The following FAM83H variants were observed in gnomAD, a reference collection of about 807,000 sequenced individuals.
The protein encoded by FAM83H is scaffolding CK1 anchoring protein H, also known as protein FAM83H.
In FAM83H, 24 loss-of-function variants were observed where a neutral mutation model predicts 30.2. That is an observed-to-expected ratio of 0.79 (90% CI 0.57 to 1.12). The LOEUF (loss-of-function observed/expected upper bound fraction) is 1.12, where lower values mean the gene tolerates loss of function less well. Among genes scored for constraint, FAM83H ranks in the 50% most tolerant of loss-of-function variants. FAM83H has a pLI of 0.00. For synonymous variants in FAM83H, 1,013 were observed against 821.7 expected (o/e 1.23, Z -3.98); for missense variants, 2,038 against 1,773.9 (o/e 1.15, Z -2.67).
In FAM83H at chr8:143,733,151, A is replaced by C. The variant is rs1407841878; in HGVS notation, c.-16+540T>G. ...TTGCGGAGTGGGCACCCCAGCCCCC[A>C]ACGGGGTCAGTGCACCCTACGAGCT... On this transcript the variant is annotated intron_variant, in intron 1 of 4. Transcript: ENST00000388913. The surrounding 1 kb of genome is among the most constrained non-coding windows in gnomAD (Gnocchi z 5.6). 1 of 154,046 alleles carries C rather than the reference A, an allele frequency of 6.5e-6. No individual in the cohort carries two copies. The highest frequency in any genetic ancestry group is 1.9e-4 in the East Asian group (1 of 5,152). 9.5% of individuals were successfully genotyped at this position (154,046 alleles called of 1,614,324 possible).
intron 1 of FAM83H, among the ~76,000 whole-genome samples, chr8:143,730,982 G>C (rs539084791): frequency 6.6e-6 from 1 of 152,208 alleles, no homozygotes; most frequent in South Asian, 2.1e-4. Flanking sequence ...ATAGTCCCAG[G>C]CACTTGGGAA....
chr8:143,730,519 G>A lies in FAM83H; in HGVS notation c.64C>T (p.Pro22Ser), dbSNP rs1818479623. Residue 22 changes from proline to serine, a missense_variant, in exon 2 of 5, where the codon CCT (proline) becomes TCT (serine). Transcript: ENST00000388913. ...AGGCGGTAGTACTCTTTGTAGTGAG[G>A]CGGCAGGTACCCGGGTGCCAGTGGG... The part of the protein sequence containing the change: ...DNPLAPGYLP[P>S]HYKEYYRLAV... 3 of 1,585,498 alleles carry A rather than the reference G, an allele frequency of 1.9e-6. No individual in the cohort carries two copies. Among genetic ancestry groups the A allele is most frequent in the Admixed American group, 1.7e-5 (1 of 58,666 alleles).
chr8:143,727,948 GC>G lies in FAM83H; in HGVS notation c.1512del (p.His505ThrfsTer40). On this transcript the variant is annotated frameshift_variant, in exon 5 of 5. Coordinates refer to ENST00000388913, the MANE Select transcript of FAM83H (RefSeq NM_198488.5). LOFTEE classifies it low-confidence loss of function (END_TRUNC). The stretch of plus-strand genomic sequence containing the variant: ...GACGGCACGTAGTCCAGCCGCTGGT[GC>G]CCGTCGGGTCCGAGCTCCGGGAAGC... The part of the protein sequence containing the change: ...GPRFPELGPD[G>X]HQRLDYVPSS... 2.6e-6 allele frequency: 4 copies of G among 1,550,886 alleles called. No homozygotes were observed. The highest frequency in any genetic ancestry group is 3.5e-6 in the Non-Finnish European group (4 of 1,155,830).
Position 143,728,484 on chromosome 8 carries a change from G to C in FAM83H, c.977C>G (p.Ala326Gly). The change falls in exon 5 of 5, where the codon GCG becomes GGG. Residue 326 changes from alanine to glycine, a missense_variant. Coordinates refer to ENST00000388913, the MANE Select transcript of FAM83H (RefSeq NM_198488.5). ...APTPFSFPKR[A>G]HLLFPPPREE... Reference sequence around the variant, plus strand: ...CCGGGGTGGCGGGAACAGGAGGTGCGCTCGTTTAGGGAAGGAGAAGGGGGT... The same window carrying C: ...CCGGGGTGGCGGGAACAGGAGGTGCCCTCGTTTAGGGAAGGAGAAGGGGGT... The C allele has an allele frequency of 6.4e-7, 1 of 1,554,026 alleles. No individual in the cohort carries two copies. The highest frequency in any genetic ancestry group is 1.4e-5 in the African/African-American group (1 of 73,454).
rs369700124 is a variant in FAM83H, at chr8:143,726,400, C to T, written c.3061G>A (p.Ala1021Thr). The change falls in exon 5 of 5, where the codon GCG becomes ACG. Residue 1021 changes from alanine (A) to threonine (T), a missense_variant. Coordinates refer to ENST00000388913, the MANE Select transcript of FAM83H (RefSeq NM_198488.5). The stretch of plus-strand genomic sequence containing the variant: ...TTGGCCGTGGCTGAGGACAGGCGCG[C>T]CCGCGGACCCCGCTCTTCTGTGGCA... ...EAATEERGPRARLSSATANAL... is the reference protein window; with the variant it reads ...EAATEERGPRTRLSSATANAL... 3 of 1,605,658 alleles carry T rather than the reference C, an allele frequency of 1.9e-6. No individual in the cohort carries two copies. The highest frequency in any genetic ancestry group is 1.7e-6 in the Non-Finnish European group (2 of 1,177,814).
In FAM83H at chr8:143,726,374, G is replaced by T. The variant is rs768891623; in HGVS notation, c.3087C>A (p.Asn1029Lys). 2 of 1,610,664 alleles carry T rather than the reference G, an allele frequency of 1.2e-6. No homozygotes were observed. Among genetic ancestry groups the T allele is most frequent in the Non-Finnish European group, 1.7e-6 (2 of 1,179,398 alleles). ...PRARLSSATANALYSSNLRDD... is the reference protein window; with the variant it reads ...PRARLSSATAKALYSSNLRDD... ...CCCGAAGGTTGCTGCTGTACAAGGC[G>T]TTGGCCGTGGCTGAGGACAGGCGCG... The change falls in exon 5 of 5, where the codon AAC becomes AAA. Residue 1029 changes from asparagine (N) to lysine (K), a missense_variant. Physicochemically the swap from Asn to Lys is moderately conservative, Grantham distance 94. Coordinates refer to ENST00000388913, the MANE Select transcript of FAM83H (RefSeq NM_198488.5).
chr8:143,729,151 G>T lies in FAM83H; in HGVS notation c.612+8C>A. The T allele has an allele frequency of 1.2e-6, 2 of 1,613,694 alleles. No homozygotes were observed. Among genetic ancestry groups the T allele is most frequent in the Non-Finnish European group, 1.7e-6 (2 of 1,180,024 alleles). ...GTCCTCCCCAATCTCCCACTCCCGG[G>T]AACTCACATCCACGTGCTGCAGGTT... is the stretch of plus-strand genomic sequence containing the variant. On this transcript the variant is annotated splice_region_variant and intron_variant, in intron 3 of 4. Transcript: ENST00000388913.
Position 143,729,110 on chromosome 8 carries a change from C to T in FAM83H, c.613-19G>A. On this transcript the variant is annotated intron_variant, in intron 3 of 4. Coordinates refer to ENST00000388913, the MANE Select transcript of FAM83H (RefSeq NM_198488.5). ...GCAGGAACTGGGGAGGGAGGGGAGT[C>T]AGATCTCTCCCACGGGTCCTCCCCA... 6.2e-7 allele frequency: 1 copy of T among 1,613,584 alleles called. No homozygotes were observed.
In FAM83H at chr8:143,729,147, C is replaced by T; in HGVS notation, c.612+12G>A. On this transcript the variant is annotated intron_variant, in intron 3 of 4. Transcript: ENST00000388913. ...ACGGGTCCTCCCCAATCTCCCACTC[C>T]CGGGAACTCACATCCACGTGCTGCA... 1.2e-6 allele frequency: 2 copies of T among 1,613,688 alleles called. No individual in the cohort carries two copies. The highest frequency in any genetic ancestry group is 1.7e-6 in the Non-Finnish European group (2 of 1,180,020).
chr8:143,727,362 G>A lies in FAM83H; in HGVS notation c.2099C>T (p.Ala700Val), dbSNP rs1392679511. The change falls in exon 5 of 5, where the codon GCG becomes GTG. Residue 700 changes from alanine to valine, a missense_variant. Coordinates refer to ENST00000388913, the MANE Select transcript of FAM83H (RefSeq NM_198488.5). ...TSQAEGAAGA[A>V]AATEKVQLLH... ...CAGCTGCACCTTCTCAGTGGCCGCC[G>A]CAGCCCCGGCCGCGCCCTCGGCCTG... 2.5e-6 allele frequency: 4 copies of A among 1,568,684 alleles called. No individual in the cohort carries two copies. The highest frequency in any genetic ancestry group is 1.3e-5 in the African/African-American group (1 of 74,440).
rs1375563198 is a variant in FAM83H at position 143,726,217 on chromosome 8, G to A, written c.3244C>T (p.Pro1082Ser). 18 of 1,612,144 alleles carry A rather than the reference G, an allele frequency of 1.1e-5. No individual in the cohort carries two copies. The highest frequency in any genetic ancestry group is 1.4e-5 in the Non-Finnish European group (17 of 1,179,734). ...CACTTGTCCTTGTCGGACATATCTG[G>A]GGCCAGGACGCCAGCAGCCGGTGGA... Reference protein sequence around the residue: ...GRPPAAGVLAPDMSDKDKCSA... With the variant: ...GRPPAAGVLASDMSDKDKCSA... Residue 1082 changes from proline to serine, a missense_variant, in exon 5 of 5, where the codon CCA (proline) becomes TCA (serine). Pro to Ser is a moderately conservative substitution (Grantham distance 74). Transcript: ENST00000388913.
intron 1 of FAM83H, chr8:143,732,139 T>C: frequency 1.0e-6 from 1 of 985,408 alleles, no homozygotes; most frequent in South Asian, 4.7e-5. Context: ...GCTGAGAATG[T>C]TGGGGTCAGG....
In FAM83H at chr8:143,730,575, C is replaced by T. The variant is rs782809400; in HGVS notation, c.8G>A (p.Arg3His). 4.2e-5 allele frequency: 65 copies of T among 1,548,562 alleles called. No homozygotes were observed. The highest frequency in any genetic ancestry group is 1.4e-4 in the East Asian group (6 of 44,332). Residue 3 changes from arginine (R) to histidine (H), a missense_variant, in exon 2 of 5, where the codon CGT (arginine) becomes CAT (histidine). Coordinates refer to ENST00000388913, the MANE Select transcript of FAM83H (RefSeq NM_198488.5). ...CCCCTGCGAGGAGCTCTGAGAGCGA[C>T]GGGCCATGTTGGGGCCAGGGGCCTG... MA[R>H]RSQSSSQGDN...
chr8:143,726,049 C>T lies in FAM83H; in HGVS notation c.3412G>A (p.Val1138Ile). Reference protein sequence around the residue: ...KEKRVYSRFEVFCKKEEASSP... With the variant: ...KEKRVYSRFEIFCKKEEASSP... ...CTGGCCTCCTCTTTCTTGCAGAAGA[C>T]CTCGAAGCGGCTGTACACGCGCTTC... The change falls in exon 5 of 5, where the codon GTC (valine) becomes ATC (isoleucine). Residue 1138 changes from valine (V) to isoleucine (I), a missense_variant. By Grantham distance (29) the Val-to-Ile change is conservative (BLOSUM62 3). Coordinates refer to ENST00000388913, the MANE Select transcript of FAM83H (RefSeq NM_198488.5). The T allele has an allele frequency of 3.1e-6, 5 of 1,612,590 alleles. No individual in the cohort carries two copies. Among genetic ancestry groups the T allele is most frequent in the South Asian group, 1.1e-5 (1 of 91,008 alleles).
In FAM83H at chr8:143,733,677, G is replaced by A. The variant is rs1201333860; in HGVS notation, c.-16+14C>T. On this transcript the variant is annotated intron_variant, in intron 1 of 4. Transcript: ENST00000388913. This position sits in a 1 kb window ranked among gnomAD's most constrained non-coding sequence, Gnocchi z 5.6. The stretch of plus-strand genomic sequence containing the variant: ...TCGCCCCGCCCCGCTCGGGCCGGGG[G>A]AGGGGGGCCCTACCTGGCCAGGTGC... 5 of 150,464 alleles carry A rather than the reference G, an allele frequency of 3.3e-5. No homozygotes were observed. The highest frequency in any genetic ancestry group is 7.4e-5 in the Non-Finnish European group (5 of 67,446). The allele number at this position is 150,464 out of a possible 1,614,324, so 9.3% of individuals were successfully genotyped here. A position where few individuals can be genotyped will look rare whatever the true frequency, so the allele number is the denominator to read the frequency against.
At position 143,726,813 on chromosome 8, in the gene FAM83H, G is replaced by C; in HGVS notation, c.2648C>G (p.Thr883Arg). Residue 883 changes from threonine (T) to arginine (R), a missense_variant, in exon 5 of 5, where the codon ACG becomes AGG. Transcript: ENST00000388913. Reference sequence around the variant, plus strand: ...TCCTCTTCGAGTGGAAAACCCAGGCGTGGGGCTCCCCTTCCGCTCAGGGTA... The same window carrying C: ...TCCTCTTCGAGTGGAAAACCCAGGCCTGGGGCTCCCCTTCCGCTCAGGGTA... ...SAYPERKGSP[T>R]PGFSTRRGSP... is the part of the protein sequence containing the mutation. 1.9e-6 allele frequency: 3 copies of C among 1,612,758 alleles called. No homozygotes were observed. The South Asian group carries it at 3.3e-5, about 18-fold the overall frequency.
At position 143,727,335 on chromosome 8, in the gene FAM83H, A is replaced by G; in HGVS notation, c.2126T>C (p.Leu709Pro). ...AAAATEKVQL[L>P]HKEQTVSETL... ...CTCGCTGACCGTCTGCTCCTTGTGC[A>G]GCAGCTGCACCTTCTCAGTGGCCGC... Residue 709 changes from leucine to proline, a missense_variant, in exon 5 of 5, where the codon CTG (leucine) becomes CCG (proline). Transcript: ENST00000388913. 6.4e-7 allele frequency: 1 copy of G among 1,561,934 alleles called. No individual in the cohort carries two copies. Among genetic ancestry groups the G allele is most frequent in the Admixed American group, 1.8e-5 (1 of 54,536 alleles).
At position 143,730,368 on chromosome 8, in the gene FAM83H, T is replaced by C. The variant is rs1554624101; in HGVS notation, c.215A>G (p.Gln72Arg). Reference sequence around the variant, plus strand: ...TTCAGGTGGCTCTCGGGTAACATACTGCGGAGGCCGAAGGTGTCGGCTCAC... The same window carrying C: ...TTCAGGTGGCTCTCGGGTAACATACCGCGGAGGCCGAAGGTGTCGGCTCAC... Reference protein sequence around the residue: ...EHVSRHLRPPQYVTREPPEGS... With the variant: ...EHVSRHLRPPRYVTREPPEGS... Residue 72 changes from glutamine to arginine, a missense_variant, in exon 2 of 5, where the codon CAG becomes CGG. Coordinates refer to ENST00000388913, the MANE Select transcript of FAM83H (RefSeq NM_198488.5). 6.2e-7 allele frequency: 1 copy of C among 1,613,666 alleles called. No individual in the cohort carries two copies. The highest frequency in any genetic ancestry group is 2.2e-5 in the East Asian group (1 of 44,884).
Position 143,726,713 on chromosome 8 carries a change from C to A in FAM83H, c.2748G>T (p.Val916=). 6.2e-7 allele frequency: 1 copy of A among 1,606,608 alleles called. No homozygotes were observed. The highest frequency in any genetic ancestry group is 1.1e-5 in the South Asian group (1 of 90,040). The change falls in exon 5 of 5, where the codon GTG becomes GTT. Residue 916 remains valine (V), a synonymous_variant. Coordinates refer to ENST00000388913, the MANE Select transcript of FAM83H (RefSeq NM_198488.5). ...SAYPERRGSP[V]PPVPERRSSP... is the part of the protein sequence containing the mutation. ...TGCTCCTGCGCTCCGGCACGGGGGG[C>A]ACCGGACTACCCCTGCGCTCGGGGT...
Sources: gnomAD v4.1 joint callset for allele counts (sites outside exome capture counted in the v4.1 genomes callset) on GRCh38, gnomAD v4.1.1 for gene constraint, Gnocchi (gnomAD v3.1) non-coding constraint, MANE v1.5 for transcripts, NCBI Gene and HGNC (gene_info 2026-07-23, HGNC 2026-07-21) for gene names.